PC: variants seen among roughly 807,000 people sequenced by gnomAD.
PC encodes pyruvate carboxylase, mitochondrial.
In PC, 46 loss-of-function variants were observed where a neutral mutation model predicts 107.8. That is an observed-to-expected ratio of 0.43 (90% confidence interval 0.34 to 0.55). The LOEUF (loss-of-function observed/expected upper bound fraction) is 0.55, where lower values mean the gene tolerates loss of function less well. Among genes scored for constraint, PC ranks in the 20% least tolerant of loss-of-function variants. The probability of loss-of-function intolerance (pLI) is 0.04; values close to 1 mark genes in which losing one functional copy is unlikely to be tolerated. For missense variants in PC, 1,241 were observed against 1,643.1 expected (o/e 0.76, Z 4.23); for synonymous variants, 662 against 684.7 (o/e 0.97, Z 0.52).
chr11:66,941,550 G>A (rs1591308894), intron 3 of PC, among the ~76,000 whole-genome samples: 1 of 152,024 alleles, frequency 6.6e-6, no homozygotes, highest in African/African-American at 2.4e-5. Flanking sequence ...GGAGTGCAGT[G>A]GCGCCATCTC....
Position 66,854,972 on chromosome 11 carries a change from G to A in PC, c.1369-1589C>T, listed in dbSNP as rs569650904. Among the ~76,000 whole-genome samples the A allele has an allele frequency of 2.0e-5, 3 of 152,248 alleles. No individual in the cohort carries two copies. In the East Asian group the frequency reaches 5.8e-4, roughly 30 times the overall value. On this transcript the variant is annotated intron_variant, in intron 12 of 22. Transcript: ENST00000393960. ...GAGCCCCGAGCGCGCAGAGTGAGAA[G>A]GACCCTTGGAGGCCTTCGCCCTGTC... is the stretch of plus-strand genomic sequence containing the variant.
chr11:66,911,990 G>A (rs963440126), intron 3 of PC, among the ~76,000 whole-genome samples: 1 of 151,906 alleles, frequency 6.6e-6, no homozygotes, highest in East Asian at 1.9e-4. Flanking sequence ...CCAAAATCGC[G>A]CCATTGCACT....
intron 3 of PC, among the ~76,000 whole-genome samples, chr11:66,894,965 T>C (rs1239234825): frequency 6.7e-6 from 1 of 149,774 alleles, no homozygotes; most frequent in Non-Finnish European, 1.5e-5. Context: ...GAAGCTGAAG[T>C]GAGCCGAGAT....
chr11:66,853,037 T>G (rs1591126264), intron 13 of PC: 1 of 696,520 alleles, frequency 1.4e-6, no homozygotes, highest in Admixed American at 2.8e-5. Context: ...GATGGAAAGG[T>G]GGGGTCTCTC....
intron 3 of PC, among the ~76,000 whole-genome samples, chr11:66,949,183 A>G (rs1949379064): frequency 6.6e-6 from 1 of 150,880 alleles, no homozygotes; most frequent in Non-Finnish European, 1.5e-5. Context: ...TAGTAGCGAC[A>G]GGGTTTCACC....
Position 66,957,315 on chromosome 11 carries a change from A to AC in PC, c.-228+1006_-228+1007insG, listed in dbSNP as rs1314947124. 3.9e-5 allele frequency among the ~76,000 whole-genome samples: 6 copies of AC among 152,360 alleles called. No individual in the cohort carries two copies. The East Asian group carries it at 9.6e-4, about 25-fold the overall frequency. On this transcript the variant is annotated intron_variant, in intron 1 of 22. Transcript: ENST00000393960. The stretch of plus-strand genomic sequence containing the variant: ...CCAGGCCTACCTCTTCTCACAAAAT[A>AC]AAGACACAATCTGATTTTTTAGAAT...
chr11:66,887,642 G>A, intron 3 of PC, among the ~76,000 whole-genome samples: 1 of 152,224 alleles, frequency 6.6e-6, no homozygotes, highest in Non-Finnish European at 1.5e-5. Context: ...GCATCCAGCT[G>A]CCTGGGACTC....
intron 12 of PC, chr11:66,860,738 C>T (rs1946213628): frequency 1.4e-6 from 1 of 699,448 alleles, no homozygotes; most frequent in Non-Finnish European, 2.6e-6. Flanking sequence ...CCCTTCCTGC[C>T]AGGTGGCGAC....
intron 3 of PC, among the ~76,000 whole-genome samples, chr11:66,874,932 G>A (rs79214621): frequency 0.028 from 4,237 of 152,218 alleles, 79 homozygotes; most frequent in Non-Finnish European, 0.04. Context: ...AGTCGGCCAC[G>A]CACAGATCCG....
At chr11:66,911,826 T>A (rs1948341167) in intron 3 of PC, among the ~76,000 whole-genome samples, 1 of 151,444 alleles carries the variant, frequency 6.6e-6, no homozygotes, top group Admixed American at 6.6e-5. Flanking sequence ...AGGTCAGGAG[T>A]TCGAGACCAG....
At chr11:66,895,249 T>A (rs1253859426) in intron 3 of PC, among the ~76,000 whole-genome samples, 1 of 152,086 alleles carries the variant, frequency 6.6e-6, no homozygotes, top group African/African-American at 2.4e-5. Flanking sequence ...CTTCCCCAAC[T>A]GAGCTCCCAG....
intron 3 of PC, among the ~76,000 whole-genome samples, chr11:66,923,627 C>T (rs1172929485): frequency 1.3e-5 from 2 of 151,884 alleles, no homozygotes; most frequent in Non-Finnish European, 1.5e-5. Flanking sequence ...GATTCTCCCG[C>T]TTCAGTCACC....
chr11:66,851,682 G>C, intron 16 of PC, 108 bp downstream of exon 16: 2 of 1,199,306 alleles, frequency 1.7e-6, no homozygotes, highest in South Asian at 1.2e-5. Flanking sequence ...TGTGGCCACA[G>C]AGAGACTTGG....
chr11:66,906,542 G>A (rs985232893), intron 3 of PC, among the ~76,000 whole-genome samples: 3 of 152,140 alleles, frequency 2.0e-5, no homozygotes, highest in African/African-American at 4.8e-5. Flanking sequence ...CTTAACAATT[G>A]CTAATCCCGA....
intron 3 of PC, among the ~76,000 whole-genome samples, chr11:66,927,029 C>T (rs867412328): frequency 1.3e-5 from 2 of 149,472 alleles, no homozygotes; most frequent in East Asian, 2.0e-4. Context: ...TTGCTCTCGT[C>T]GCCCAGGCTG....
chr11:66,853,328 G>A lies in PC; in HGVS notation c.1424C>T (p.Thr475Ile). Residue 475 changes from threonine (T) to isoleucine (I), a missense_variant, in exon 13 of 23, where the codon ACT becomes ATT. This residue lies in a region of PC where 1,143 missense variants were observed against 1,551.9 expected (regional missense o/e 0.74). Coordinates refer to ENST00000393960, the MANE Select transcript of PC (RefSeq NM_001040716.2). ...VLNNQQFLAG[T>I]VDTQFIDENP... Reference sequence around the variant, plus strand: ...CTCGTCGATGAACTGGGTGTCCACAGTGCCTGCCAGGAACTGCTGGTTGTT... The same window carrying A: ...CTCGTCGATGAACTGGGTGTCCACAATGCCTGCCAGGAACTGCTGGTTGTT... 6.2e-7 allele frequency: 1 copy of A among 1,614,172 alleles called. No individual in the cohort carries two copies. Among genetic ancestry groups the A allele is most frequent in the Non-Finnish European group, 8.5e-7 (1 of 1,180,014 alleles).
In PC at chr11:66,866,598, G is replaced by A. The variant is rs1041942588; in HGVS notation, c.1023-249C>T. ...CTGGAGATGGCCCGCTGAAATACCAGGACCACCTGCTCCTGCATTCCTGAC... is the reference window on the plus strand; with the variant it reads ...CTGGAGATGGCCCGCTGAAATACCAAGACCACCTGCTCCTGCATTCCTGAC... On this transcript the variant is annotated intron_variant, in intron 10 of 22. Coordinates refer to ENST00000393960, the MANE Select transcript of PC (RefSeq NM_001040716.2). This position sits in a 1 kb window ranked among gnomAD's most constrained non-coding sequence, Gnocchi z 5.4. Among the ~76,000 whole-genome samples the A allele has an allele frequency of 6.6e-6, 1 of 152,112 alleles. No individual in the cohort carries two copies. Among genetic ancestry groups the A allele is most frequent in the Admixed American group, 6.5e-5 (1 of 15,282 alleles).
rs1474467787 is a variant in PC, at chr11:66,849,297, C to T, written c.3221G>A (p.Arg1074Lys). 1 of 1,613,708 alleles carries T rather than the reference C, an allele frequency of 6.2e-7. No individual in the cohort carries two copies. The highest frequency in any genetic ancestry group is 1.1e-5 in the South Asian group (1 of 91,088). ...CCCATTGAGCTCAAAGAAGACCTGC[C>T]TCTGGCCGGCCCGGTTCAGGTCGCT... ...AVSDLNRAGQ[R>K]QVFFELNGQL... is the part of the protein sequence containing the mutation. The change falls in exon 22 of 23, where the codon AGG becomes AAG. Residue 1074 changes from arginine to lysine, a missense_variant. By Grantham distance (26) the Arg-to-Lys change is conservative. Transcript: ENST00000393960.
At chr11:66,943,294 G>C (rs1163204841) in intron 3 of PC, among the ~76,000 whole-genome samples, 2 of 151,174 alleles carry the variant, frequency 1.3e-5, no homozygotes, top group East Asian at 3.9e-4. Flanking sequence ...AAAAAAAAAA[G>C]GGGTCACGGT....
Sources: allele counts gnomAD v4.1 joint callset (sites outside exome capture counted in the v4.1 genomes callset), GRCh38; gene constraint gnomAD v4.1.1; regional missense constraint gnomAD v4.1.1; non-coding constraint Gnocchi (gnomAD v3.1); transcripts MANE v1.5; gene names NCBI Gene and HGNC (gene_info 2026-07-23, HGNC 2026-07-21).